ACTR2: variants seen among roughly 807,000 people sequenced by gnomAD.
ACTR2 encodes the protein actin related protein 2.
A neutral mutation model predicts 50.2 loss-of-function variants in ACTR2; 5 were observed. The ratio of observed to expected loss-of-function variants is 0.10; its 90% CI spans 0.05 to 0.21. ACTR2 has a LOEUF of 0.21. Ranked by LOEUF, ACTR2 falls within the 10% of genes least tolerant of loss-of-function variation. The pLI is 1.00. For synonymous variants in ACTR2, 140 were observed against 162.9 expected (o/e 0.86, Z 1.07); for missense variants, 180 against 480.6 (o/e 0.37, Z 5.85).
At chr2:65,236,609 C>G (rs1242446198) in intron 1 of ACTR2, among the ~76,000 whole-genome samples, 4 of 151,558 alleles carry the variant, frequency 2.6e-5, no homozygotes, top group Non-Finnish European at 5.9e-5. Context: ...TGAGACAGGT[C>G]TCATTCTGTT....
chr2:65,231,568 C>T (rs1019551517), intron 1 of ACTR2, among the ~76,000 whole-genome samples: 2 of 152,070 alleles, frequency 1.3e-5, no homozygotes, highest in Admixed American at 1.3e-4. Context: ...GGTGTGGTTC[C>T]TCATGCCTGT....
chr2:65,238,638 G>A (rs1671782962), intron 1 of ACTR2, among the ~76,000 whole-genome samples: 1 of 130,658 alleles, frequency 7.7e-6, no homozygotes, highest in African/African-American at 3.0e-5. Flanking sequence ...CACCCTGGGC[G>A]ACAGAGCGAG....
At chr2:65,252,044 G>C (rs887580466) in intron 4 of ACTR2, among the ~76,000 whole-genome samples, 1 of 152,094 alleles carries the variant, frequency 6.6e-6, no homozygotes, top group Admixed American at 6.5e-5. Context: ...AGTGGGAAAA[G>C]AGTGTGGCAC....
chr2:65,246,317 A>G (rs372441681), intron 2 of ACTR2: 8 of 413,922 alleles, frequency 1.9e-5, no homozygotes, highest in South Asian at 8.7e-5. Flanking sequence ...GGTAAGGTCA[A>G]TTTATTGATT....
intron 1 of ACTR2, among the ~76,000 whole-genome samples, chr2:65,235,862 A>G (rs753130781): frequency 6.6e-6 from 1 of 152,186 alleles, no homozygotes; most frequent in Non-Finnish European, 1.5e-5. Flanking sequence ...AACTAAGACT[A>G]GGTTTGTGGG....
chr2:65,265,327 A>C (rs1454042521), intron 8 of ACTR2, 152 bp downstream of exon 8: 1 of 888,152 alleles, frequency 1.1e-6, no homozygotes, highest in Non-Finnish European at 1.8e-6. Context: ...GCAAGAAGGA[A>C]ATAGTTCAAG....
chr2:65,260,052 T>G (rs184951505), intron 6 of ACTR2, among the ~76,000 whole-genome samples: 2 of 152,360 alleles, frequency 1.3e-5, no homozygotes, highest in East Asian at 1.9e-4. Flanking sequence ...TACAACAGAA[T>G]TGCCTAATAA....
intron 1 of ACTR2, among the ~76,000 whole-genome samples, chr2:65,236,701 C>A (rs7597448): frequency 0.31 from 46,694 of 151,886 alleles, 7,800 homozygotes; most frequent in African/African-American, 0.41. Flanking sequence ...ATACCTCAGC[C>A]TCCCAAGTAA....
intron 1 of ACTR2, among the ~76,000 whole-genome samples, chr2:65,232,727 G>A (rs969364802): frequency 1.3e-5 from 2 of 152,146 alleles, no homozygotes; most frequent in African/African-American, 2.4e-5. Context: ...TTGCTTGAAA[G>A]AACATTATAC....
chr2:65,228,804 A>T (rs2103975133), intron 1 of ACTR2, among the ~76,000 whole-genome samples: 1 of 152,314 alleles, frequency 6.6e-6, no homozygotes, highest in East Asian at 1.9e-4. Flanking sequence ...TTTAGAAACT[A>T]TTTGAAAATT....
chr2:65,262,523 T>C (rs889078504), intron 7 of ACTR2, among the ~76,000 whole-genome samples: 3 of 146,622 alleles, frequency 2.0e-5, no homozygotes, highest in African/African-American at 5.0e-5. Flanking sequence ...AGAAACTTCT[T>C]AGTTTGATGT....
intron 2 of ACTR2, among the ~76,000 whole-genome samples, chr2:65,244,958 AAG>A (rs1491356587): frequency 3.3e-5 from 5 of 151,860 alleles, no homozygotes; most frequent in East Asian, 1.9e-4. Flanking sequence ...AAAAAAAAAA[AAG>A]AGTGTAAACA....
intron 1 of ACTR2, among the ~76,000 whole-genome samples, chr2:65,233,216 A>G (rs1671672913): frequency 6.6e-6 from 1 of 152,108 alleles, no homozygotes; most frequent in Non-Finnish European, 1.5e-5. Flanking sequence ...GCTGGTCTCC[A>G]ACTCCTGACG....
intron 1 of ACTR2, among the ~76,000 whole-genome samples, chr2:65,232,487 T>C (rs888378869): frequency 2.6e-5 from 4 of 152,214 alleles, no homozygotes; most frequent in African/African-American, 9.6e-5. Context: ...TGGTTTCATC[T>C]TGCAAAATGC....
At chr2:65,259,654 A>T (rs970964914) in intron 6 of ACTR2, among the ~76,000 whole-genome samples, 3 of 152,172 alleles carry the variant, frequency 2.0e-5, no homozygotes, top group African/African-American at 7.2e-5. Flanking sequence ...ATTTGAACCC[A>T]GTAGGCAGAG....
intron 4 of ACTR2, among the ~76,000 whole-genome samples, chr2:65,251,813 C>CT (rs1395052678): frequency 1.3e-5 from 2 of 152,124 alleles, no homozygotes; most frequent in Non-Finnish European, 2.9e-5. Context: ...GAGTGCATTT[C>CT]TAACTTTTGA....
intron 2 of ACTR2, among the ~76,000 whole-genome samples, chr2:65,243,828 T>C (rs550044030): frequency 6.6e-6 from 1 of 152,292 alleles, no homozygotes; most frequent in South Asian, 2.1e-4. Flanking sequence ...GTTACTGTGA[T>C]TTTTTTCATT....
At chr2:65,231,830 C>G (rs1437906699) in intron 1 of ACTR2, among the ~76,000 whole-genome samples, 3 of 152,142 alleles carry the variant, frequency 2.0e-5, no homozygotes, top group Non-Finnish European at 4.4e-5. Context: ...ACATGAAATA[C>G]ACTAACAATA....
intron 5 of ACTR2, 82 bp from the exon 6 acceptor site, chr2:65,255,463 A>G (rs1672133110): frequency 4.0e-6 from 5 of 1,243,792 alleles, no homozygotes; most frequent in African/African-American, 1.5e-5. Flanking sequence ...TTGATGTGAC[A>G]TATTTAATGA....
Sources: allele counts gnomAD v4.1 joint callset (sites outside exome capture counted in the v4.1 genomes callset), GRCh38; gene constraint gnomAD v4.1.1; transcripts MANE v1.5; gene names NCBI Gene and HGNC (gene_info 2026-07-23, HGNC 2026-07-21).